ANKRD44: variants seen among roughly 807,000 people sequenced by gnomAD.
The protein encoded by ANKRD44 is ankyrin repeat domain 44.
Under a neutral mutation model 116.0 loss-of-function variants are expected in ANKRD44, and 35 were observed. That is an observed-to-expected ratio of 0.30 (90% confidence interval 0.23 to 0.40). ANKRD44 has a LOEUF of 0.40. Among genes scored for constraint, ANKRD44 ranks in the 10% least tolerant of loss-of-function variants. The pLI, the probability that ANKRD44 is intolerant of heterozygous loss-of-function variation, is 1.00. For synonymous variants in ANKRD44, 435 were observed against 461.8 expected (o/e 0.94, Z 0.74); for missense variants, 1,014 against 1,242.6 (o/e 0.82, Z 2.77).
intron 9 of ANKRD44, among the ~76,000 whole-genome samples, chr2:197,108,147 G>A (rs2078477695): frequency 6.6e-6 from 1 of 152,150 alleles, no homozygotes; most frequent in East Asian, 1.9e-4. Context: ...AGTCTCTGAT[G>A]TCAGACTTCC....
intron 4 of ANKRD44, chr2:197,136,048 A>G (rs993876764): frequency 1.3e-5 from 2 of 159,426 alleles, no homozygotes; most frequent in Non-Finnish European, 2.8e-5. Flanking sequence ...ACCATTCTCC[A>G]TTGCTCAGAG....
At chr2:197,253,886 A>G (rs1360475257) in intron 1 of ANKRD44, among the ~76,000 whole-genome samples, 1 of 152,210 alleles carries the variant, frequency 6.6e-6, no homozygotes, top group African/African-American at 2.4e-5. Flanking sequence ...TGCCTCCAAC[A>G]CTGGCTAAAT....
intron 1 of ANKRD44, among the ~76,000 whole-genome samples, chr2:197,222,071 G>A (rs1240447505): frequency 6.6e-6 from 1 of 152,184 alleles, no homozygotes; most frequent in Admixed American, 6.5e-5. Context: ...TTCTGCTATA[G>A]CTAAGAACAG....
intron 1 of ANKRD44, among the ~76,000 whole-genome samples, chr2:197,220,631 A>G (rs1003274714): frequency 6.6e-6 from 1 of 152,166 alleles, no homozygotes; most frequent in African/African-American, 2.4e-5. Context: ...CTGGCTGATT[A>G]TATTTCTGGG....
At chr2:197,273,976 A>T (rs866635678) in intron 1 of ANKRD44, among the ~76,000 whole-genome samples, 14,838 of 53,444 alleles carry the variant, frequency 0.28, 2,520 homozygotes, top group Middle Eastern at 0.41. Flanking sequence ...AAAAAAAAAA[A>T]AAAAATATAT....
chr2:197,118,782 C>T (rs1039640531), intron 8 of ANKRD44, among the ~76,000 whole-genome samples: 1 of 152,126 alleles, frequency 6.6e-6, no homozygotes, highest in Non-Finnish European at 1.5e-5. Flanking sequence ...ACACACATAA[C>T]CATAACATTT....
intron 1 of ANKRD44, among the ~76,000 whole-genome samples, chr2:197,300,758 CTTTTTT>C (rs112803787): frequency 4.9e-5 from 6 of 122,742 alleles, no homozygotes; most frequent in African/African-American, 9.8e-5. Context: ...TTTCATTTTC[CTTTTTT>C]TTTTTTTTTT....
At chr2:197,258,250 G>A (rs930671641) in intron 1 of ANKRD44, among the ~76,000 whole-genome samples, 1 of 145,204 alleles carries the variant, frequency 6.9e-6, no homozygotes, top group African/African-American at 2.6e-5. Context: ...ACAGGCATGT[G>A]CCGCCACACT....
intron 1 of ANKRD44, among the ~76,000 whole-genome samples, chr2:197,280,752 G>A (rs2083240897): frequency 6.6e-6 from 1 of 152,050 alleles, no homozygotes; most frequent in Admixed American, 6.5e-5. Flanking sequence ...TACCCACAGT[G>A]GTCAATTACT....
At chr2:197,219,630 C>T (rs1160304728) in intron 1 of ANKRD44, among the ~76,000 whole-genome samples, 1 of 152,146 alleles carries the variant, frequency 6.6e-6, no homozygotes, top group East Asian at 1.9e-4. Context: ...AATTTTCTGG[C>T]ACCATGAAAG....
intron 2 of ANKRD44, among the ~76,000 whole-genome samples, chr2:197,163,563 G>A (rs745529580): frequency 6.6e-6 from 1 of 152,214 alleles, no homozygotes; most frequent in African/African-American, 2.4e-5. Context: ...ATTTCCAGGC[G>A]TAGGAAATCT....
intron 3 of ANKRD44, among the ~76,000 whole-genome samples, chr2:197,140,482 C>T (rs189771211): frequency 6.6e-6 from 1 of 152,202 alleles, no homozygotes; most frequent in Admixed American, 6.5e-5. Context: ...CCATGCCCAG[C>T]TAATTTTTAA....
intron 22 of ANKRD44, 97 bp downstream of exon 22, chr2:197,001,656 C>A: frequency 3.8e-6 from 3 of 798,410 alleles, no homozygotes; most frequent in Non-Finnish European, 6.0e-6. Context: ...TCAGTCTTAT[C>A]TGTAATCTAA....
At chr2:197,083,778 T>C (rs375043776) in intron 13 of ANKRD44, among the ~76,000 whole-genome samples, 6 of 152,314 alleles carry the variant, frequency 3.9e-5, no homozygotes, top group African/African-American at 1.4e-4. Flanking sequence ...CTTCGAACAT[T>C]TTGTCAGTGT....
chr2:197,006,070 C>T (rs2076196282), intron 20 of ANKRD44, among the ~76,000 whole-genome samples, 160 bp from the exon 21 acceptor site: 1 of 152,184 alleles, frequency 6.6e-6, no homozygotes, highest in Non-Finnish European at 1.5e-5. Flanking sequence ...AGGACAACCT[C>T]AGCAAAATTC....
At chr2:197,037,163 G>A (rs1434382000) in intron 16 of ANKRD44, among the ~76,000 whole-genome samples, 2 of 152,192 alleles carry the variant, frequency 1.3e-5, no homozygotes, top group Non-Finnish European at 2.9e-5. Flanking sequence ...GTGAAACTAC[G>A]GGTGTTTTGA....
At position 197,025,200 on chromosome 2, in the gene ANKRD44, A is replaced by T; in HGVS notation, c.1718T>A (p.Leu573Ter). 6.2e-7 allele frequency: 1 copy of T among 1,611,724 alleles called. No homozygotes were observed. The change falls in exon 17 of 28, where the codon TTA becomes TAA. Residue 573 changes from leucine to a stop codon, truncating the protein, a stop_gained. Transcript: ENST00000282272. LOFTEE classifies it high-confidence loss of function. ...DSGATKSPLHLAAYNGHHQAL... is the reference protein window; with the variant it reads ...DSGATKSPLH Reference sequence around the variant, plus strand: ...TGCTCATGGCATCTCACTTACAGCTAAGTGGAGTGGACTCTTAGTAGCACC... The same window carrying T: ...TGCTCATGGCATCTCACTTACAGCTTAGTGGAGTGGACTCTTAGTAGCACC...
At chr2:196,968,410 C>T (rs973280020) in intron 21 of ANKRD44, among the ~76,000 whole-genome samples, 4 of 152,110 alleles carry the variant, frequency 2.6e-5, no homozygotes, top group African/African-American at 9.7e-5. Flanking sequence ...ATTTATTTAA[C>T]CACAAGTTTG....
intron 16 of ANKRD44, among the ~76,000 whole-genome samples, chr2:197,059,961 T>C (rs1420692839): frequency 1.3e-5 from 2 of 152,112 alleles, no homozygotes; most frequent in East Asian, 3.8e-4. Context: ...ACACAAATGG[T>C]GAGGTAATGA....
Sources: allele counts gnomAD v4.1 joint callset (sites outside exome capture counted in the v4.1 genomes callset), GRCh38; gene constraint gnomAD v4.1.1; transcripts MANE v1.5; gene names NCBI Gene and HGNC (gene_info 2026-07-23, HGNC 2026-07-21).